The following AGBL4 variants were observed in gnomAD, a reference collection of about 807,000 sequenced individuals.
AGBL4 encodes AGBL carboxypeptidase 4, also known as cytosolic carboxypeptidase 6.
In AGBL4, 58 loss-of-function variants were observed where a neutral mutation model predicts 66.4. The ratio of observed to expected loss-of-function variants is 0.87; its 90% CI spans 0.71 to 1.09. The LOEUF (loss-of-function observed/expected upper bound fraction) is 1.09, where lower values mean the gene tolerates loss of function less well. AGBL4 is among the 50% of genes least tolerant of loss of function. The probability of loss-of-function intolerance (pLI) is 0.00; values close to 1 mark genes in which losing one functional copy is unlikely to be tolerated. For missense variants in AGBL4, 579 were observed against 631.0 expected (o/e 0.92, Z 0.88); for synonymous variants, 234 against 222.9 (o/e 1.05, Z -0.44).
chr1:49,287,589 T>G (rs1011819725), intron 3 of AGBL4, among the ~76,000 whole-genome samples: 4 of 152,096 alleles, frequency 2.6e-5, no homozygotes, highest in African/African-American at 9.7e-5. Flanking sequence ...AAGACATTTA[T>G]GCAGCCAAAA....
intron 2 of AGBL4, among the ~76,000 whole-genome samples, chr1:49,742,588 C>T (rs867149840): frequency 3.3e-5 from 5 of 151,870 alleles, no homozygotes; most frequent in South Asian, 2.1e-4. Flanking sequence ...GAGCCCGCAT[C>T]GCCAAGTCAA....
At chr1:48,713,811 T>G (rs779030649) in intron 6 of AGBL4, among the ~76,000 whole-genome samples, 6 of 152,288 alleles carry the variant, frequency 3.9e-5, no homozygotes, top group Non-Finnish European at 8.8e-5. Context: ...GGATAATGTT[T>G]CCTGGAATCT....
chr1:48,535,899 G>C (rs965751633), intron 12 of AGBL4, among the ~76,000 whole-genome samples: 1 of 152,028 alleles, frequency 6.6e-6, no homozygotes, highest in African/African-American at 2.4e-5. Context: ...CCACAGCTCA[G>C]TAACAGTCAT....
At position 49,392,558 on chromosome 1, in the gene AGBL4, C is replaced by T. The variant is rs116104648; in HGVS notation, c.283-146694G>A. On this transcript the variant is annotated intron_variant, in intron 3 of 13. Coordinates refer to ENST00000371839, the MANE Select transcript of AGBL4 (RefSeq NM_032785.4). Reference sequence around the variant, plus strand: ...TGACAAAAGAAGTAAAATTTTAGTTCGTTAGTTCCTTAGGCTTAGTTCCTT... The same window carrying T: ...TGACAAAAGAAGTAAAATTTTAGTTTGTTAGTTCCTTAGGCTTAGTTCCTT... 6.1e-3 allele frequency among the ~76,000 whole-genome samples: 930 copies of T among 152,238 alleles called. 10 individuals carry two copies. The highest frequency in any genetic ancestry group is 0.021 in the African/African-American group (869 of 41,534).
At chr1:48,599,672 C>T (rs947725183) in intron 9 of AGBL4, among the ~76,000 whole-genome samples, 4 of 152,178 alleles carry the variant, frequency 2.6e-5, no homozygotes, top group Admixed American at 6.5e-5. Context: ...ATGACTTGAA[C>T]ACTAAGTAGA....
In AGBL4 at chr1:49,331,865, A is replaced by G. The variant is rs772383146; in HGVS notation, c.283-86001T>C. On this transcript the variant is annotated intron_variant, in intron 3 of 13. Transcript: ENST00000371839. ...CATTCCTTCTCAGGACCTCCCAGCCAAGGCCTCCAGCCACCCTTACCCATA... is the reference window on the plus strand; with the variant it reads ...CATTCCTTCTCAGGACCTCCCAGCCGAGGCCTCCAGCCACCCTTACCCATA... 1.9e-4 allele frequency among the ~76,000 whole-genome samples: 28 copies of G among 149,400 alleles called. 1 individual carries two copies. Among genetic ancestry groups the G allele is most frequent in the Admixed American group, 1.3e-4 (2 of 15,008 alleles).
intron 4 of AGBL4, among the ~76,000 whole-genome samples, chr1:49,176,346 A>T (rs545413540): frequency 3.3e-4 from 50 of 152,290 alleles, no homozygotes; most frequent in African/African-American, 1.2e-3. Context: ...GAGCCCAGAC[A>T]TATGTCTATA....
At chr1:49,354,208 G>C (rs985719260) in intron 3 of AGBL4, among the ~76,000 whole-genome samples, 3 of 152,198 alleles carry the variant, frequency 2.0e-5, no homozygotes, top group African/African-American at 7.2e-5. Flanking sequence ...TCCAGTAAGG[G>C]GTTTGAGCAA....
In AGBL4 at chr1:49,131,633, C is replaced by T. The variant is rs559207265; in HGVS notation, c.378-85833G>A. Among the ~76,000 whole-genome samples, 5 of 151,970 alleles carry T rather than the reference C, an allele frequency of 3.3e-5. No individual in the cohort carries two copies. In the East Asian group the frequency reaches 5.8e-4, roughly 18 times the overall value. ...ATGAACATAACAGCATGCACAAATA[C>T]CCAGAAACAAGAGAAAGAATGGAAT... On this transcript the variant is annotated intron_variant, in intron 4 of 13. Transcript: ENST00000371839.
intron 1 of AGBL4, among the ~76,000 whole-genome samples, chr1:49,935,003 C>A (rs1054414131): frequency 6.6e-6 from 1 of 152,206 alleles, no homozygotes; most frequent in Non-Finnish European, 1.5e-5. Flanking sequence ...GTGCAGCGCA[C>A]CGTGTGCGAG....
intron 3 of AGBL4, among the ~76,000 whole-genome samples, chr1:49,298,955 A>G (rs928627059): frequency 1.3e-5 from 2 of 152,042 alleles, no homozygotes; most frequent in African/African-American, 4.8e-5. Context: ...TTTTGCCCAC[A>G]CCCTTCCCTC....
chr1:48,958,094 G>A (rs1441278384), intron 5 of AGBL4, among the ~76,000 whole-genome samples: 12 of 151,910 alleles, frequency 7.9e-5, no homozygotes, highest in Middle Eastern at 6.3e-3. Context: ...TGCTGACCTC[G>A]TGATCCGCCT....
intron 3 of AGBL4, among the ~76,000 whole-genome samples, chr1:49,285,397 A>C (rs949162792): frequency 6.6e-6 from 1 of 152,142 alleles, no homozygotes; most frequent in African/African-American, 2.4e-5. Context: ...TTATAGCACT[A>C]AATGCCCACA....
At chr1:48,605,671 G>T (rs371436736) in intron 9 of AGBL4, among the ~76,000 whole-genome samples, 1 of 152,258 alleles carries the variant, frequency 6.6e-6, no homozygotes, top group African/African-American at 2.4e-5. Context: ...AACATCTAGC[G>T]CAGTGTCTGG....
intron 6 of AGBL4, among the ~76,000 whole-genome samples, chr1:48,671,363 C>T (rs1354616280): frequency 6.6e-6 from 1 of 152,210 alleles, no homozygotes; most frequent in Non-Finnish European, 1.5e-5. Context: ...AGACACTGTC[C>T]CTGCCATCCA....
intron 4 of AGBL4, among the ~76,000 whole-genome samples, chr1:49,081,366 C>A (rs990341068): frequency 3.3e-5 from 5 of 152,184 alleles, no homozygotes; most frequent in African/African-American, 1.2e-4. Context: ...GTCTTAAAGT[C>A]TCTGAGCCTC....
chr1:48,675,866 AC>A (rs1189669995), intron 6 of AGBL4, among the ~76,000 whole-genome samples: 3 of 152,204 alleles, frequency 2.0e-5, no homozygotes, highest in Admixed American at 1.3e-4. Context: ...TTCTTATATA[AC>A]TTCTCCACCC....
At chr1:48,987,662 T>C (rs1310460112) in intron 5 of AGBL4, among the ~76,000 whole-genome samples, 3 of 152,108 alleles carry the variant, frequency 2.0e-5, no homozygotes, top group South Asian at 2.1e-4. Context: ...TTTTACCTAA[T>C]TGACACTTAT....
intron 3 of AGBL4, among the ~76,000 whole-genome samples, chr1:49,598,274 G>C (rs553140434): frequency 1.3e-4 from 20 of 152,188 alleles, no homozygotes; most frequent in Admixed American, 1.2e-3. Flanking sequence ...GCGTTCCTTT[G>C]GAGGAGGAGA....
Sources: allele counts gnomAD v4.1 joint callset (sites outside exome capture counted in the v4.1 genomes callset), GRCh38; gene constraint gnomAD v4.1.1; transcripts MANE v1.5; gene names NCBI Gene and HGNC (gene_info 2026-07-23, HGNC 2026-07-21).